Variants in CSMD1 observed in about 807,000 individuals in gnomAD.
CSMD1 encodes the protein CUB and sushi domain-containing protein 1.
A neutral mutation model predicts 417.5 loss-of-function variants in CSMD1; 213 were observed. That is an observed-to-expected ratio of 0.51 (90% CI 0.46 to 0.57). The LOEUF is 0.57. Ranked by LOEUF, CSMD1 falls within the 20% of genes least tolerant of loss-of-function variation. The probability of loss-of-function intolerance (pLI) is 0.00; values close to 1 mark genes in which losing one functional copy is unlikely to be tolerated. For missense variants in CSMD1, 6,923 were observed against 4,529.7 expected (o/e 1.53, Z -15.17); for synonymous variants, 2,862 against 1,736.8 (o/e 1.65, Z -16.11).
At chr8:4,473,796 A>G (rs1335708672) in intron 2 of CSMD1, among the ~76,000 whole-genome samples, 1 of 152,220 alleles carries the variant, frequency 6.6e-6, no homozygotes, top group Non-Finnish European at 1.5e-5. Context: ...ATTATCTTAT[A>G]AAATGACAGA....
At chr8:4,293,108 G>T (rs772552833) in intron 3 of CSMD1, among the ~76,000 whole-genome samples, 1 of 152,090 alleles carries the variant, frequency 6.6e-6, no homozygotes, top group Non-Finnish European at 1.5e-5. Flanking sequence ...CAGCAGGAGG[G>T]GGCTACCAGC....
At chr8:3,676,611 T>C (rs1799386922) in intron 7 of CSMD1, among the ~76,000 whole-genome samples, 1 of 152,158 alleles carries the variant, frequency 6.6e-6, no homozygotes, top group Non-Finnish European at 1.5e-5. Context: ...CCTAAGAAGG[T>C]TGCCGTGAGC....
intron 1 of CSMD1, among the ~76,000 whole-genome samples, chr8:4,681,443 G>A (rs960482331): frequency 2.6e-5 from 4 of 152,118 alleles, no homozygotes; most frequent in Non-Finnish European, 5.9e-5. Context: ...AGCTTTTCCA[G>A]TCACTGGACT....
intron 8 of CSMD1, among the ~76,000 whole-genome samples, chr8:3,606,868 G>A (rs1255862447): frequency 1.3e-5 from 2 of 151,750 alleles, no homozygotes; most frequent in Non-Finnish European, 2.9e-5. Context: ...CTGCCACCAC[G>A]CCCGGCAAAT....
At chr8:3,958,313 ACT>A (rs199784575) in intron 5 of CSMD1, among the ~76,000 whole-genome samples, 10 of 91,682 alleles carry the variant, frequency 1.1e-4, no homozygotes, top group Admixed American at 1.2e-4. Flanking sequence ...ATTTTTTTAA[ACT>A]CTCTCTTTTT....
At chr8:3,142,812 C>T in intron 40 of CSMD1, 138 bp from the exon 41 acceptor site, 1 of 777,672 alleles carries the variant, frequency 1.3e-6, no homozygotes, top group Non-Finnish European at 2.1e-6. Context: ...TGGAGGACGG[C>T]ATTCACTGTG....
intron 2 of CSMD1, among the ~76,000 whole-genome samples, chr8:4,485,280 C>T (rs1172546312): frequency 6.6e-6 from 1 of 152,192 alleles, no homozygotes; most frequent in Non-Finnish European, 1.5e-5. Context: ...GAACGCCTGT[C>T]AGCTGAGAAC....
intron 3 of CSMD1, among the ~76,000 whole-genome samples, chr8:4,143,396 C>G (rs1163064571): frequency 2.1e-5 from 3 of 142,212 alleles, no homozygotes; most frequent in Non-Finnish European, 4.5e-5. Flanking sequence ...TTGCTACAGA[C>G]TAAGTTAATT....
intron 2 of CSMD1, among the ~76,000 whole-genome samples, chr8:4,564,002 G>C (rs533647630): frequency 2.0e-5 from 3 of 152,180 alleles, no homozygotes; most frequent in Non-Finnish European, 4.4e-5. Flanking sequence ...AGGAAAATGA[G>C]GAGTTACGCC....
chr8:3,240,303 G>GA (rs1424289990), intron 26 of CSMD1, among the ~76,000 whole-genome samples: 4 of 152,154 alleles, frequency 2.6e-5, no homozygotes, highest in Non-Finnish European at 5.9e-5. Context: ...GAGGAGTGGG[G>GA]AAAGGACTTA....
intron 8 of CSMD1, among the ~76,000 whole-genome samples, chr8:3,598,968 C>A (rs142531263): frequency 0.021 from 3,188 of 152,184 alleles, 119 homozygotes; most frequent in African/African-American, 0.073. Context: ...GTAATCCCAG[C>A]TACTCAGGAG....
At chr8:3,677,501 A>G (rs1304748434) in intron 7 of CSMD1, among the ~76,000 whole-genome samples, 1 of 152,172 alleles carries the variant, frequency 6.6e-6, no homozygotes, top group African/African-American at 2.4e-5. Flanking sequence ...ACATCAGGAG[A>G]CACAGGGAAT....
intron 4 of CSMD1, among the ~76,000 whole-genome samples, chr8:4,012,819 T>C (rs1796337286): frequency 1.3e-5 from 2 of 152,154 alleles, no homozygotes; most frequent in African/African-American, 2.4e-5. Flanking sequence ...GTAACTCCAT[T>C]CTTCCAGTGT....
At chr8:3,364,119 C>T (rs974768281) in intron 20 of CSMD1, among the ~76,000 whole-genome samples, 5 of 151,888 alleles carry the variant, frequency 3.3e-5, no homozygotes, top group African/African-American at 1.2e-4. Context: ...TGGGTAAATG[C>T]CTCATTTGTA....
At chr8:3,870,052 C>A (rs1374432132) in intron 5 of CSMD1, among the ~76,000 whole-genome samples, 1 of 152,158 alleles carries the variant, frequency 6.6e-6, no homozygotes, top group Non-Finnish European at 1.5e-5. Flanking sequence ...CATTGCTTAA[C>A]TGTAAGCATA....
chr8:4,415,918 T>C (rs936947387), intron 3 of CSMD1, among the ~76,000 whole-genome samples: 2 of 152,178 alleles, frequency 1.3e-5, no homozygotes, highest in African/African-American at 2.4e-5. Flanking sequence ...TGTACAGACA[T>C]GTGGATAATT....
intron 5 of CSMD1, among the ~76,000 whole-genome samples, chr8:3,884,407 A>C (rs528403762): frequency 6.6e-6 from 1 of 151,914 alleles, no homozygotes; most frequent in East Asian, 1.9e-4. Context: ...CTTCTAGCAC[A>C]AATCTTGTTA....
intron 3 of CSMD1, among the ~76,000 whole-genome samples, chr8:4,406,252 C>T (rs1366759600): frequency 6.6e-6 from 1 of 152,116 alleles, no homozygotes; most frequent in Non-Finnish European, 1.5e-5. Context: ...AGTGGCTCTC[C>T]TGGTGCATTT....
chr8:4,128,545 T>C (rs956541397), intron 3 of CSMD1, among the ~76,000 whole-genome samples: 1 of 152,222 alleles, frequency 6.6e-6, no homozygotes, highest in Non-Finnish European at 1.5e-5. Context: ...ATTCTATTTT[T>C]ACAGATAACA....
Sources: allele counts gnomAD v4.1 joint callset (sites outside exome capture counted in the v4.1 genomes callset), GRCh38; gene constraint gnomAD v4.1.1; transcripts MANE v1.5; gene names NCBI Gene and HGNC (gene_info 2026-07-23, HGNC 2026-07-21).